Variants in PDE4B observed in about 807,000 individuals in gnomAD.
PDE4B encodes phosphodiesterase 4B.
In PDE4B, 20 loss-of-function variants were observed where a neutral mutation model predicts 82.2. The ratio of observed to expected loss-of-function variants is 0.24; its 90% CI spans 0.17 to 0.35. The LOEUF is 0.35. Among genes scored for constraint, PDE4B ranks in the 10% least tolerant of loss-of-function variants. PDE4B has a pLI of 1.00. For missense variants in PDE4B, 655 were observed against 907.2 expected, an observed-to-expected ratio of 0.72 and a Z score of 3.57; for synonymous variants, 320 against 318.9, an observed-to-expected ratio of 1.00 and a Z score of -0.04.
intron 1 of PDE4B, among the ~76,000 whole-genome samples, chr1:65,807,972 T>C (rs1408128689): frequency 2.0e-5 from 3 of 152,154 alleles, no homozygotes; most frequent in African/African-American, 7.2e-5. Context: ...GCTGGATGCC[T>C]TTCAGGTTCC....
intron 7 of PDE4B, among the ~76,000 whole-genome samples, chr1:66,289,848 G>A (rs1287486122): frequency 2.0e-5 from 3 of 152,106 alleles, no homozygotes; most frequent in Admixed American, 1.3e-4. Flanking sequence ...GTAGCAGGAG[G>A]AAGTGAGGGA....
intron 3 of PDE4B, among the ~76,000 whole-genome samples, chr1:66,153,865 G>T (rs1274365671): frequency 6.6e-6 from 1 of 152,094 alleles, no homozygotes; most frequent in Admixed American, 6.6e-5. Flanking sequence ...TAGTGTGTGT[G>T]ATGTGACCTG....
chr1:65,969,809 T>C (rs750929538), intron 3 of PDE4B, among the ~76,000 whole-genome samples: 2 of 152,140 alleles, frequency 1.3e-5, no homozygotes, highest in African/African-American at 4.8e-5. Flanking sequence ...CTTTTTCCCT[T>C]GGTGTTTTTT....
intron 3 of PDE4B, among the ~76,000 whole-genome samples, chr1:65,934,374 G>A (rs1648006115): frequency 6.6e-6 from 1 of 152,172 alleles, no homozygotes; most frequent in African/African-American, 2.4e-5. Context: ...GATTGCTTAA[G>A]CCTAGATAAC....
chr1:65,876,295 C>G (rs1435441132), intron 1 of PDE4B, among the ~76,000 whole-genome samples: 1 of 151,974 alleles, frequency 6.6e-6, no homozygotes, highest in Admixed American at 6.6e-5. Context: ...TACAGAAATT[C>G]AATGAACTGA....
chr1:66,104,536 C>T (rs1458378472), intron 3 of PDE4B, among the ~76,000 whole-genome samples: 6 of 145,882 alleles, frequency 4.1e-5, no homozygotes, highest in African/African-American at 1.5e-4. Context: ...AATGGTTGAA[C>T]TAGTTTACAG....
intron 7 of PDE4B, among the ~76,000 whole-genome samples, chr1:66,327,908 GA>G (rs982885176): frequency 3.9e-5 from 6 of 152,204 alleles, no homozygotes; most frequent in Non-Finnish European, 7.3e-5. Flanking sequence ...GTGCTAAACT[GA>G]ATCCTCTGTT....
rs17128154 is a variant in PDE4B at position 65,955,621 on chromosome 1, G to A, written c.281+36786G>A. 4.9e-3 allele frequency among the ~76,000 whole-genome samples: 753 copies of A among 152,180 alleles called. 8 individuals are homozygous for A. Among genetic ancestry groups the A allele is most frequent in the African/African-American group, 0.016 (669 of 41,552 alleles). On this transcript the variant is annotated intron_variant, in intron 3 of 16. Transcript: ENST00000341517. ...CTTCACATTGAGTTCATTCTGGTAC[G>A]TCATCTTGCTTCCTCAAGAGCAGGG...
chr1:66,321,510 A>G (rs926234981), intron 7 of PDE4B, among the ~76,000 whole-genome samples: 1 of 152,146 alleles, frequency 6.6e-6, no homozygotes, highest in African/African-American at 2.4e-5. Flanking sequence ...CAAAGAGGAG[A>G]AATTTGTTTC....
At chr1:65,956,791 T>C (rs2100585776) in intron 3 of PDE4B, among the ~76,000 whole-genome samples, 1 of 152,256 alleles carries the variant, frequency 6.6e-6, no homozygotes, top group South Asian at 2.1e-4. Context: ...GTGTGATTGC[T>C]GTCTTAGAGG....
intron 3 of PDE4B, among the ~76,000 whole-genome samples, chr1:66,132,727 A>G (rs561229889): frequency 4.6e-5 from 7 of 152,166 alleles, no homozygotes; most frequent in African/African-American, 1.7e-4. Context: ...TGTACCTCAG[A>G]CCTACTGTTT....
intron 1 of PDE4B, among the ~76,000 whole-genome samples, chr1:65,867,176 A>G (rs1205520913): frequency 6.6e-6 from 1 of 152,210 alleles, no homozygotes; most frequent in Non-Finnish European, 1.5e-5. Flanking sequence ...GAAATTTCCT[A>G]TAATAAAAAT....
At chr1:65,955,294 A>G (rs79782282) in intron 3 of PDE4B, among the ~76,000 whole-genome samples, 6,119 of 152,178 alleles carry the variant, frequency 0.04, 490 homozygotes, top group East Asian at 0.37. Flanking sequence ...AGGACTGGGA[A>G]GAGAGATGTA....
At chr1:66,202,183 C>A (rs918794315) in intron 3 of PDE4B, among the ~76,000 whole-genome samples, 2 of 151,896 alleles carry the variant, frequency 1.3e-5, no homozygotes, top group African/African-American at 4.8e-5. Context: ...ATCCTGAGTT[C>A]TAGTTTGATT....
At chr1:66,030,128 A>C (rs1244277855) in intron 3 of PDE4B, among the ~76,000 whole-genome samples, 3 of 141,544 alleles carry the variant, frequency 2.1e-5, no homozygotes, top group Non-Finnish European at 3.1e-5. Context: ...TTTGGTTTTG[A>C]TTCTGTTTAT....
chr1:65,849,755 C>G (rs1646309074), intron 1 of PDE4B, among the ~76,000 whole-genome samples: 1 of 152,168 alleles, frequency 6.6e-6, no homozygotes, highest in African/African-American at 2.4e-5. Context: ...GAGCCTGATG[C>G]AAGAAACATA....
chr1:66,291,042 C>A (rs765783048), intron 7 of PDE4B, among the ~76,000 whole-genome samples: 8 of 152,116 alleles, frequency 5.3e-5, no homozygotes, highest in Non-Finnish European at 7.4e-5. Flanking sequence ...CTCCCCACTG[C>A]CAAGAGCTCA....
chr1:66,022,375 G>A (rs1476190642), intron 3 of PDE4B, among the ~76,000 whole-genome samples: 1 of 152,176 alleles, frequency 6.6e-6, no homozygotes, highest in African/African-American at 2.4e-5. Flanking sequence ...GGGCATCCCT[G>A]TCTTGTGCCA....
intron 3 of PDE4B, among the ~76,000 whole-genome samples, chr1:66,050,274 T>C (rs1181650226): frequency 6.6e-6 from 1 of 152,078 alleles, no homozygotes; most frequent in East Asian, 1.9e-4. Context: ...AATGATCTAT[T>C]GTATCGGTGG....
Sources: allele counts gnomAD v4.1 joint callset (sites outside exome capture counted in the v4.1 genomes callset), GRCh38; gene constraint gnomAD v4.1.1; transcripts MANE v1.5; gene names NCBI Gene and HGNC (gene_info 2026-07-23, HGNC 2026-07-21).